The following FSIP2 variants were observed in gnomAD, a reference collection of about 807,000 sequenced individuals.
FSIP2 encodes fibrous sheath-interacting protein 2.
A neutral mutation model predicts 510.5 loss-of-function variants in FSIP2; 367 were observed. That is an observed-to-expected ratio of 0.72 (90% CI 0.66 to 0.78). The LOEUF (loss-of-function observed/expected upper bound fraction) is 0.78. Ranked by LOEUF, FSIP2 falls within the 30% of genes least tolerant of loss-of-function variation. FSIP2 has a pLI of 0.00. For missense variants in FSIP2, 7,594 were observed against 7,901.7 expected (o/e 0.96, Z 1.48); for synonymous variants, 2,601 against 2,732.2 (o/e 0.95, Z 1.50).
chr2:185,777,288 C>G (rs1692746146), intron 13 of FSIP2, among the ~76,000 whole-genome samples: 1 of 151,892 alleles, frequency 6.6e-6, no homozygotes, highest in African/African-American at 2.4e-5. Context: ...TATATTAATC[C>G]TGTCCCCATA....
At chr2:185,768,176 T>C (rs1206985533) in intron 13 of FSIP2, among the ~76,000 whole-genome samples, 1 of 152,140 alleles carries the variant, frequency 6.6e-6, no homozygotes, top group Non-Finnish European at 1.5e-5. Flanking sequence ...AATAACACCT[T>C]ATCAGATATA....
intron 9 of FSIP2, among the ~76,000 whole-genome samples, chr2:185,757,128 A>C (rs1692260539): frequency 6.6e-6 from 1 of 151,356 alleles, no homozygotes; most frequent in African/African-American, 2.4e-5. Flanking sequence ...TACCAGCTCT[A>C]CATCTTATAC....
chr2:185,759,635 ATAT>A lies in FSIP2; in HGVS notation c.1079-1351_1079-1349del, dbSNP rs1441766954. 5.5e-5 allele frequency among the ~76,000 whole-genome samples: 8 copies of A among 146,042 alleles called. No individual in the cohort carries two copies. In the East Asian group the frequency reaches 9.8e-4, roughly 18 times the overall value. ...TATAATGGTCAGTATAATATTAATA[ATAT>A]TGTTATATATTATATATATTATATA... On this transcript the variant is annotated intron_variant, in intron 9 of 22. Transcript: ENST00000424728.
chr2:185,782,877 T>A, intron 14 of FSIP2, 115 bp downstream of exon 14: 1 of 653,426 alleles, frequency 1.5e-6, no homozygotes, highest in East Asian at 2.8e-5. Context: ...CTACTTGGAT[T>A]TAGTGAAACT....
chr2:185,779,343 T>C (rs1363259305), intron 13 of FSIP2, among the ~76,000 whole-genome samples: 1 of 151,952 alleles, frequency 6.6e-6, no homozygotes, highest in Admixed American at 6.6e-5. Context: ...ATATGTATAT[T>C]TCTTTTAGCA....
At chr2:185,798,064 G>A (rs1487105821) in intron 16 of FSIP2, among the ~76,000 whole-genome samples, 1 of 151,844 alleles carries the variant, frequency 6.6e-6, no homozygotes, top group East Asian at 1.9e-4. Flanking sequence ...GAATTTGAAG[G>A]ATGTGTTGCT....
chr2:185,818,108 T>C (rs12613737), intron 19 of FSIP2, among the ~76,000 whole-genome samples: 1 of 151,554 alleles, frequency 6.6e-6, no homozygotes, highest in African/African-American at 2.4e-5. Context: ...ATGTAACCCA[T>C]ACAAATGTGC....
chr2:185,743,401 C>G, intron 3 of FSIP2, 107 bp downstream of exon 3: 1 of 576,100 alleles, frequency 1.7e-6, no homozygotes, highest in Non-Finnish European at 2.8e-6. Context: ...TTAACTTGGT[C>G]ATGAGACAAT....
At chr2:185,783,681 G>A (rs1186096979) in intron 14 of FSIP2, 9 of 152,100 alleles carry the variant, frequency 5.9e-5, no homozygotes, top group African/African-American at 2.2e-4. Context: ...AATAAAACTT[G>A]ATGACCGTGT....
In FSIP2 at chr2:185,792,362, C is replaced by A. The variant is rs17229222; in HGVS notation, c.5226C>A (p.Ser1742=). 828,665 of 1,528,232 alleles carry A rather than the reference C, an allele frequency of 0.54. 226,308 individuals carry two copies. Among genetic ancestry groups the A allele is most frequent in the South Asian group, 0.64 (52,977 of 82,842 alleles). 94.7% of individuals were successfully genotyped at this position (1,528,232 alleles called of 1,614,324 possible). ...YTAKKIIDER[S]PQREEVKTRS... is the part of the protein sequence containing the mutation. ...CGAAAAAAATTATTGATGAGAGATC[C>A]CCACAAAGAGAAGAAGTGAAAACAC... The change falls in exon 16 of 23, where the codon TCC becomes TCA. Residue 1742 remains serine (S), a synonymous_variant. Transcript: ENST00000424728.
chr2:185,747,399 A>G lies in FSIP2; in HGVS notation c.846A>G (p.Arg282=). 1 of 1,526,304 alleles carries G rather than the reference A, an allele frequency of 6.6e-7. No individual in the cohort carries two copies. The highest frequency in any genetic ancestry group is 8.8e-7 in the Non-Finnish European group (1 of 1,137,976). 94.5% of individuals were successfully genotyped at this position (1,526,304 alleles called of 1,614,324 possible). The change falls in exon 7 of 23, where the codon AGA becomes AGG. Residue 282 remains arginine (R), a synonymous_variant. Coordinates refer to ENST00000424728, the MANE Select transcript of FSIP2 (RefSeq NM_173651.4). ...REERIEEQQH[R]NREESDRKKQ... ...AGAGGATAGAAGAACAACAGCATAG[A>G]AACAGAGAAGAGAGTGACAGGAAGG...
chr2:185,783,495 AAT>A (rs1394252478), intron 14 of FSIP2, among the ~76,000 whole-genome samples: 1 of 152,170 alleles, frequency 6.6e-6, no homozygotes, highest in African/African-American at 2.4e-5. Flanking sequence ...GATTGAGTAA[AAT>A]AAGTGGTGCA....
In FSIP2 at chr2:185,795,285, A is replaced by T; in HGVS notation, c.8149A>T (p.Met2717Leu). The change falls in exon 16 of 23, where the codon ATG becomes TTG. Residue 2717 changes from methionine (M) to leucine (L), a missense_variant. Transcript: ENST00000424728. ...GACTGCCATTGGGTTGTCACACATC[A>T]TGTCAGCTGGAGATGCCAAAAATTT... ...SKTAIGLSHIMSAGDAKNLLD... is the reference protein window; with the variant it reads ...SKTAIGLSHILSAGDAKNLLD... The T allele has an allele frequency of 6.5e-7, 1 of 1,535,128 alleles. No homozygotes were observed. Among genetic ancestry groups the T allele is most frequent in the Non-Finnish European group, 8.7e-7 (1 of 1,146,274 alleles).
At chr2:185,773,103 C>G (rs1423159489) in intron 13 of FSIP2, among the ~76,000 whole-genome samples, 1 of 152,092 alleles carries the variant, frequency 6.6e-6, no homozygotes, top group Non-Finnish European at 1.5e-5. Flanking sequence ...TCAAAGCAAT[C>G]TATCTGCCTC....
chr2:185,809,068 AAG>A lies in FSIP2; in HGVS notation c.19766_19767del (p.Arg6589LysfsTer10). ...CTCCTTAGGATCACCTGATTTAGAAAAGAGAAAGACAGAAAGACGTACCTCAT... is the reference window on the plus strand; with the variant it reads ...CTCCTTAGGATCACCTGATTTAGAAAAGAAAGACAGAAAGACGTACCTCAT... Reference protein sequence around the residue: ...NYSLGSPDLEKRKTERRTSLD... With the variant: ...NYSLGSPDLEXRKTERRTSLD... On this transcript the variant is annotated frameshift_variant, in exon 17 of 23. Coordinates refer to ENST00000424728, the MANE Select transcript of FSIP2 (RefSeq NM_173651.4). LOFTEE classifies it high-confidence loss of function. 6.2e-7 allele frequency: 1 copy of A among 1,605,754 alleles called. No homozygotes were observed. Among genetic ancestry groups the A allele is most frequent in the Non-Finnish European group, 8.5e-7 (1 of 1,177,488 alleles).
chr2:185,779,929 T>G (rs190772631), intron 13 of FSIP2, among the ~76,000 whole-genome samples: 2 of 136,076 alleles, frequency 1.5e-5, no homozygotes, highest in Admixed American at 1.4e-4. Context: ...AGGGGACAGT[T>G]TTTTTTTTTT....
chr2:185,780,570 C>T (rs34295042), intron 13 of FSIP2, among the ~76,000 whole-genome samples: 14,682 of 151,640 alleles, frequency 0.097, 737 homozygotes, highest in Middle Eastern at 0.13. Flanking sequence ...CAAAACCCTT[C>T]TTTATATATT....
Position 185,794,522 on chromosome 2 carries a change from A to C in FSIP2, c.7386A>C (p.Ile2462=). The change falls in exon 16 of 23, where the codon ATA becomes ATC. Residue 2462 remains isoleucine, a synonymous_variant. Transcript: ENST00000424728. ...TGATATTGGAAAACAAAAGGCAGAT[A>C]ATTGTTTTGGAAGAAATATTTATGA... The part of the protein sequence containing the change: ...NQMILENKRQ[I]IVLEEIFMRN... 1 of 1,528,374 alleles carries C rather than the reference A, an allele frequency of 6.5e-7. No individual in the cohort carries two copies. The highest frequency in any genetic ancestry group is 8.7e-7 in the Non-Finnish European group (1 of 1,144,046). 94.7% of individuals were successfully genotyped at this position (1,528,374 alleles called of 1,614,324 possible). A position where few individuals can be genotyped will look rare whatever the true frequency, so the allele number is the denominator to read the frequency against.
intron 9 of FSIP2, among the ~76,000 whole-genome samples, chr2:185,758,371 T>C (rs764432116): frequency 1.3e-5 from 2 of 151,094 alleles, no homozygotes; most frequent in Admixed American, 1.3e-4. Flanking sequence ...AACTTTTGGC[T>C]CCCCAGAAAC....
Sources: gnomAD v4.1 joint callset for allele counts (sites outside exome capture counted in the v4.1 genomes callset) on GRCh38, gnomAD v4.1.1 for gene constraint, MANE v1.5 for transcripts, NCBI Gene and HGNC (gene_info 2026-07-23, HGNC 2026-07-21) for gene names.